ADAMTS12: variants seen among roughly 807,000 people sequenced by gnomAD.
The protein encoded by ADAMTS12 is ADAM metallopeptidase with thrombospondin type 1 motif 12.
Under a neutral mutation model 167.8 loss-of-function variants are expected in ADAMTS12, and 118 were observed. The ratio of observed to expected loss-of-function variants is 0.70; its 90% CI spans 0.61 to 0.82. ADAMTS12 has a LOEUF of 0.82. Ranked by LOEUF, ADAMTS12 falls within the 40% of genes least tolerant of loss-of-function variation. The probability of loss-of-function intolerance (pLI) is 0.00; values close to 1 mark genes in which losing one functional copy is unlikely to be tolerated. For missense variants in ADAMTS12, 1,916 were observed against 1,998.8 expected (o/e 0.96, Z 0.79); for synonymous variants, 704 against 716.9 (o/e 0.98, Z 0.29).
At chr5:33,857,292 G>A (rs1438778004) in intron 2 of ADAMTS12, among the ~76,000 whole-genome samples, 2 of 152,068 alleles carry the variant, frequency 1.3e-5, no homozygotes, top group African/African-American at 2.4e-5. Context: ...TGCACAAAGG[G>A]TACAGAGTTT....
intron 22 of ADAMTS12, among the ~76,000 whole-genome samples, chr5:33,537,279 G>C (rs1744465085): frequency 1.3e-5 from 2 of 152,210 alleles, no homozygotes; most frequent in South Asian, 4.1e-4. Flanking sequence ...TCCTGGTTCA[G>C]AGTACTTGGA....
intron 3 of ADAMTS12, among the ~76,000 whole-genome samples, chr5:33,718,038 C>A (rs561179271): frequency 1.3e-5 from 2 of 152,324 alleles, no homozygotes; most frequent in African/African-American, 2.4e-5. Flanking sequence ...GCGCTTCTCA[C>A]GTAGCAGGTT....
chr5:33,794,891 G>A (rs925546728), intron 2 of ADAMTS12, among the ~76,000 whole-genome samples: 5 of 152,008 alleles, frequency 3.3e-5, no homozygotes, highest in African/African-American at 7.3e-5. Context: ...TAACTCCATC[G>A]GCAGCTTGAA....
chr5:33,870,156 C>T (rs1749982376), intron 2 of ADAMTS12, among the ~76,000 whole-genome samples: 2 of 151,996 alleles, frequency 1.3e-5, no homozygotes, highest in African/African-American at 4.8e-5. Context: ...TTCAAGGTGC[C>T]CAGATTTCAT....
chr5:33,584,461 C>T (rs904088479), intron 18 of ADAMTS12, among the ~76,000 whole-genome samples: 1 of 151,972 alleles, frequency 6.6e-6, no homozygotes, highest in African/African-American at 2.4e-5. Flanking sequence ...TGAATGAGCT[C>T]CCTGAGCTCA....
chr5:33,648,930 T>C lies in ADAMTS12; in HGVS notation c.1371A>G (p.Lys457=). ...GWGFCLDDIP[K]KKGLKSKVIA... is the part of the protein sequence containing the mutation. ...TGACCTTGGACTTCAAGCCTTTCTT[T>C]TTAGGTATGTCATCAAGACAGAACC... Residue 457 remains lysine, a synonymous_variant, in exon 9 of 24, where the codon AAA becomes AAG. Transcript: ENST00000504830. 6.2e-7 allele frequency: 1 copy of C among 1,614,044 alleles called. No individual in the cohort carries two copies. Among genetic ancestry groups the C allele is most frequent in the Non-Finnish European group, 8.5e-7 (1 of 1,179,948 alleles).
chr5:33,803,839 A>C (rs996585450), intron 2 of ADAMTS12, among the ~76,000 whole-genome samples: 1 of 152,186 alleles, frequency 6.6e-6, no homozygotes, highest in African/African-American at 2.4e-5. Context: ...ACAGCATGGG[A>C]AAAACCTGCT....
chr5:33,798,904 T>C (rs1367687267), intron 2 of ADAMTS12, among the ~76,000 whole-genome samples: 1 of 152,166 alleles, frequency 6.6e-6, no homozygotes, highest in African/African-American at 2.4e-5. Context: ...ACAGATAGCA[T>C]CACCTTAGAA....
At chr5:33,814,841 G>C (rs1258456640) in intron 2 of ADAMTS12, among the ~76,000 whole-genome samples, 2 of 152,194 alleles carry the variant, frequency 1.3e-5, no homozygotes, top group Non-Finnish European at 2.9e-5. Context: ...TCAATGTGGG[G>C]ACTACTGTGA....
At chr5:33,852,581 C>T (rs1179306339) in intron 2 of ADAMTS12, among the ~76,000 whole-genome samples, 1 of 152,134 alleles carries the variant, frequency 6.6e-6, no homozygotes, top group Non-Finnish European at 1.5e-5. Context: ...GTTTATTGTC[C>T]TCCCAGCCAA....
intron 1 of ADAMTS12, among the ~76,000 whole-genome samples, chr5:33,890,284 A>C (rs1430442449): frequency 2.0e-5 from 3 of 152,126 alleles, no homozygotes; most frequent in Non-Finnish European, 4.4e-5. Flanking sequence ...CAGAAGGGAG[A>C]CTTTTCACAA....
chr5:33,865,756 C>T (rs1413833431), intron 2 of ADAMTS12, among the ~76,000 whole-genome samples: 1 of 152,130 alleles, frequency 6.6e-6, no homozygotes, highest in Non-Finnish European at 1.5e-5. Context: ...TAAACAAATT[C>T]AGTAAAGTAT....
chr5:33,550,194 C>T (rs1440463110), intron 20 of ADAMTS12, among the ~76,000 whole-genome samples: 1 of 152,220 alleles, frequency 6.6e-6, no homozygotes, highest in Non-Finnish European at 1.5e-5. Flanking sequence ...TCTGGGTCAC[C>T]TACAACCAAG....
chr5:33,598,737 C>T (rs1229558145), intron 16 of ADAMTS12, among the ~76,000 whole-genome samples: 1 of 152,158 alleles, frequency 6.6e-6, no homozygotes, highest in Non-Finnish European at 1.5e-5. Flanking sequence ...CGTGAGTGTG[C>T]ATATGGCAGC....
intron 19 of ADAMTS12, among the ~76,000 whole-genome samples, chr5:33,570,221 A>G (rs1031155738): frequency 2.6e-5 from 4 of 152,294 alleles, no homozygotes; most frequent in South Asian, 2.1e-4. Context: ...GCAGGCCAAC[A>G]ATCAGATTCA....
At chr5:33,577,275 G>T (rs1746808649) in intron 18 of ADAMTS12, 115 bp from the exon 19 acceptor site, 2 of 1,435,746 alleles carry the variant, frequency 1.4e-6, no homozygotes, top group South Asian at 2.5e-5. Flanking sequence ...AGCTAAAATT[G>T]TCTGCTATCT....
chr5:33,562,992 A>G (rs1443667703), intron 19 of ADAMTS12, among the ~76,000 whole-genome samples: 1 of 152,230 alleles, frequency 6.6e-6, no homozygotes, highest in Non-Finnish European at 1.5e-5. Context: ...CAACACATAT[A>G]TAACATAATA....
At chr5:33,803,805 T>G (rs1561280799) in intron 2 of ADAMTS12, among the ~76,000 whole-genome samples, 1 of 152,098 alleles carries the variant, frequency 6.6e-6, no homozygotes, top group Non-Finnish European at 1.5e-5. Context: ...TCAAATCTCA[T>G]GAGACTTATT....
intron 2 of ADAMTS12, among the ~76,000 whole-genome samples, chr5:33,793,897 TC>T (rs1295382827): frequency 6.6e-6 from 1 of 152,136 alleles, no homozygotes; most frequent in Non-Finnish European, 1.5e-5. Flanking sequence ...GCCTGTGAAG[TC>T]TGCATGCCCG....
Sources: gnomAD v4.1 joint callset for allele counts (sites outside exome capture counted in the v4.1 genomes callset) on GRCh38, gnomAD v4.1.1 for gene constraint, MANE v1.5 for transcripts, NCBI Gene and HGNC (gene_info 2026-07-23, HGNC 2026-07-21) for gene names.